TRAPPC9: variants seen among roughly 807,000 people sequenced by gnomAD.
TRAPPC9 encodes trafficking protein particle complex subunit 9, also known as IKK2 binding protein.
Under a neutral mutation model 124.0 loss-of-function variants are expected in TRAPPC9, and 83 were observed. The ratio of observed to expected loss-of-function variants is 0.67; its 90% CI spans 0.56 to 0.80. The LOEUF (loss-of-function observed/expected upper bound fraction) is 0.80, where lower values mean the gene tolerates loss of function less well. Ranked by LOEUF, TRAPPC9 falls within the 30% of genes least tolerant of loss-of-function variation. The probability of loss-of-function intolerance (pLI) is 0.00; values close to 1 mark genes in which losing one functional copy is unlikely to be tolerated. For synonymous variants in TRAPPC9, 638 were observed against 617.5 expected (o/e 1.03, Z -0.49); for missense variants, 1,302 against 1,508.3 (o/e 0.86, Z 2.27).
intron 17 of TRAPPC9, chr8:140,100,533 G>C (rs2060558728): frequency 1.3e-5 from 2 of 152,294 alleles, no homozygotes; most frequent in Non-Finnish European, 2.9e-5. Context: ...TCCATGTACC[G>C]CTGCGGCTCT....
At chr8:139,921,999 A>G (rs1832538671) in intron 19 of TRAPPC9, among the ~76,000 whole-genome samples, 1 of 152,210 alleles carries the variant, frequency 6.6e-6, no homozygotes, top group African/African-American at 2.4e-5. Flanking sequence ...CCACATGGAA[A>G]TAAATGTCAA....
At chr8:140,185,215 A>G (rs1198243926) in intron 17 of TRAPPC9, among the ~76,000 whole-genome samples, 8 of 152,200 alleles carry the variant, frequency 5.3e-5, no homozygotes, top group Non-Finnish European at 5.9e-5. Context: ...CACTCCTCAC[A>G]CAGCACACAT....
chr8:140,234,341 T>A (rs2063679903), intron 16 of TRAPPC9, among the ~76,000 whole-genome samples: 1 of 152,192 alleles, frequency 6.6e-6, no homozygotes. Flanking sequence ...AGATATACCA[T>A]CCATGTCTCA....
chr8:140,106,342 G>T (rs925670406), intron 17 of TRAPPC9, among the ~76,000 whole-genome samples: 5 of 151,440 alleles, frequency 3.3e-5, no homozygotes, highest in Admixed American at 3.3e-4. Flanking sequence ...GATTTCGACT[G>T]AAGATCAAAA....
intron 21 of TRAPPC9, among the ~76,000 whole-genome samples, chr8:139,867,286 AGAC>A (rs2131013462): frequency 6.6e-6 from 1 of 152,390 alleles, no homozygotes; most frequent in African/African-American, 2.4e-5. Context: ...GAGACACAGA[AGAC>A]AGCCTGAAGG....
rs2062235986 is a variant in TRAPPC9 at position 140,182,815 on chromosome 8, C to CTT, written c.2556+38642_2556+38643dup. Reference sequence around the variant, plus strand: ...CACAACTTGCATCATGCCATTCCCCCTTCTCTGCCCGTCTATGCGTCCCCC... The same window carrying CTT: ...CACAACTTGCATCATGCCATTCCCCCTTTTCTCTGCCCGTCTATGCGTCCCCC... On this transcript the variant is annotated intron_variant, in intron 17 of 22. Transcript: ENST00000438773. This position sits in a 1 kb window ranked among gnomAD's most constrained non-coding sequence, Gnocchi z 4.0. 6.6e-6 allele frequency among the ~76,000 whole-genome samples: 1 copy of CTT among 152,176 alleles called. No individual in the cohort carries two copies. The highest frequency in any genetic ancestry group is 2.4e-5 in the African/African-American group (1 of 41,440).
chr8:140,127,049 G>A (rs1303276301), intron 17 of TRAPPC9, among the ~76,000 whole-genome samples: 1 of 152,156 alleles, frequency 6.6e-6, no homozygotes, highest in Non-Finnish European at 1.5e-5. Flanking sequence ...TCTAACGTAT[G>A]TATCTGGAGA....
rs925937536 is a variant in TRAPPC9 at position 140,045,366 on chromosome 8, C to T, written c.2557-21287G>A. On this transcript the variant is annotated intron_variant, in intron 17 of 22. Transcript: ENST00000438773. ...TCCGGCCAGGTGCGGTGGCTCATGC[C>T]TGTAATCCCAGCACTTTGGGAGACC... Among the ~76,000 whole-genome samples the T allele has an allele frequency of 6.6e-5, 10 of 152,152 alleles. No individual in the cohort carries two copies. In the East Asian group the frequency reaches 1.9e-3, roughly 29 times the overall value.
chr8:139,792,804 A>AAG (rs1490354646), intron 21 of TRAPPC9, among the ~76,000 whole-genome samples: 1 of 152,246 alleles, frequency 6.6e-6, no homozygotes, highest in East Asian at 1.9e-4. Context: ...TAGTGCTGCT[A>AAG]TCTAGTCAGA....
At chr8:140,139,344 T>G (rs1015180358) in intron 17 of TRAPPC9, among the ~76,000 whole-genome samples, 1 of 152,002 alleles carries the variant, frequency 6.6e-6, no homozygotes, top group Non-Finnish European at 1.5e-5. Context: ...CCACCTTGTA[T>G]CCCTTTCACC....
At chr8:139,750,984 C>T (rs541331251) in intron 21 of TRAPPC9, among the ~76,000 whole-genome samples, 8 of 152,336 alleles carry the variant, frequency 5.3e-5, no homozygotes, top group African/African-American at 1.9e-4. Flanking sequence ...CTCTGGCCCA[C>T]CCCAAGGGCT....
chr8:139,736,939 A>G (rs759777845), intron 21 of TRAPPC9, among the ~76,000 whole-genome samples: 6 of 152,134 alleles, frequency 3.9e-5, no homozygotes, highest in Non-Finnish European at 7.3e-5. Flanking sequence ...ATAAGAGGAG[A>G]GAAGAGAAGC....
chr8:139,759,475 C>T (rs557626857), intron 21 of TRAPPC9, among the ~76,000 whole-genome samples: 5 of 152,258 alleles, frequency 3.3e-5, no homozygotes, highest in South Asian at 4.1e-4. Flanking sequence ...GGCTGTGCCA[C>T]GTGGGCGGTG....
intron 4 of TRAPPC9, 106 bp downstream of exon 4, chr8:140,435,006 C>A: frequency 1.3e-6 from 2 of 1,508,280 alleles, no homozygotes; most frequent in Non-Finnish European, 1.8e-6. Context: ...ACAGATTTTA[C>A]AGTTTATTTA....
intron 8 of TRAPPC9, among the ~76,000 whole-genome samples, chr8:140,366,219 G>T (rs1211673903): frequency 6.6e-6 from 1 of 152,048 alleles, no homozygotes; most frequent in Non-Finnish European, 1.5e-5. Context: ...GAATAATCCT[G>T]CAATGAACAC....
chr8:139,988,676 T>C (rs1837419143), intron 19 of TRAPPC9, 50 bp downstream of exon 19: 1 of 1,274,900 alleles, frequency 7.8e-7, no homozygotes, highest in South Asian at 1.3e-5. Flanking sequence ...AGCAGCGTGG[T>C]GAAGGCAGAG....
chr8:140,434,686 C>G lies in TRAPPC9; in HGVS notation c.859+426G>C, dbSNP rs1347867183. 3.3e-5 allele frequency among the ~76,000 whole-genome samples: 5 copies of G among 152,266 alleles called. No individual in the cohort carries two copies. The East Asian group carries it at 7.7e-4, about 23-fold the overall frequency. ...GAACAAAATGTCTCATACAAGATTTCTGGGCAGGGCATGGTGGCTCACGCC... is the reference window on the plus strand; with the variant it reads ...GAACAAAATGTCTCATACAAGATTTGTGGGCAGGGCATGGTGGCTCACGCC... On this transcript the variant is annotated intron_variant, in intron 4 of 22. Coordinates refer to ENST00000438773, the MANE Select transcript of TRAPPC9 (RefSeq NM_001160372.4).
At chr8:139,877,321 G>T (rs1476637476) in intron 21 of TRAPPC9, among the ~76,000 whole-genome samples, 2 of 152,200 alleles carry the variant, frequency 1.3e-5, no homozygotes. Flanking sequence ...CTATGGAAAC[G>T]CCTGGAAGAT....
At chr8:140,184,966 A>AT (rs2062318537) in intron 17 of TRAPPC9, among the ~76,000 whole-genome samples, 1 of 152,210 alleles carries the variant, frequency 6.6e-6, no homozygotes, top group South Asian at 2.1e-4. Context: ...GAAGCAATAA[A>AT]CAAAAATAAA....
Sources: allele counts gnomAD v4.1 joint callset (sites outside exome capture counted in the v4.1 genomes callset), GRCh38; gene constraint gnomAD v4.1.1; non-coding constraint Gnocchi (gnomAD v3.1); transcripts MANE v1.5; gene names NCBI Gene and HGNC (gene_info 2026-07-23, HGNC 2026-07-21).